Variants in ELFN1 observed in about 807,000 individuals in gnomAD.
The protein encoded by ELFN1 is extracellular leucine rich repeat and fibronectin type III domain containing 1.
Under a neutral mutation model 7.6 loss-of-function variants are expected in ELFN1, and 6 were observed. The ratio of observed to expected loss-of-function variants is 0.79; its 90% CI spans 0.43 to 1.56. The LOEUF (loss-of-function observed/expected upper bound fraction) is 1.56, where lower values mean the gene tolerates loss of function less well. Ranked by LOEUF, ELFN1 falls within the 40% of genes most tolerant of loss-of-function variation. The pLI is 0.01. For synonymous variants in ELFN1, 657 were observed against 588.1 expected (o/e 1.12, Z -1.70); for missense variants, 1,169 against 1,232.2 (o/e 0.95, Z 0.77).
intron 2 of ELFN1, among the ~76,000 whole-genome samples, chr7:1,696,293 AGAGG>A (rs1400434850): frequency 6.7e-6 from 1 of 149,774 alleles, no homozygotes; most frequent in African/African-American, 2.5e-5. Flanking sequence ...AGAGAGAGAG[AGAGG>A]GAGAGAGAAA....
intron 3 of ELFN1, among the ~76,000 whole-genome samples, chr7:1,737,861 C>T (rs1246416019): frequency 4.6e-5 from 7 of 152,310 alleles, no homozygotes; most frequent in Non-Finnish European, 8.8e-5. Context: ...AGTCTGACCC[C>T]GTTCTCTGTT....
In ELFN1 at chr7:1,745,162, G is replaced by A. The variant is rs144230352; in HGVS notation, c.566G>A (p.Ser189Asn). The change falls in exon 4 of 4, where the codon AGC becomes AAC. Residue 189 changes from serine to asparagine, a missense_variant. Transcript: ENST00000424383. ...LAKLSVCELY[S>N]NPFYCSCELL... ...AAGCTGTCGGTGTGCGAGCTCTACA[G>A]CAACCCCTTCTACTGCTCCTGCGAG... 1.6e-5 allele frequency: 25 copies of A among 1,549,654 alleles called. No homozygotes were observed. The African/African-American group carries it at 3.1e-4, about 19-fold the overall frequency.
At chr7:1,692,044 G>A (rs910829378) in intron 2 of ELFN1, 6 of 152,410 alleles carry the variant, frequency 3.9e-5, no homozygotes, top group African/African-American at 1.4e-4. Context: ...ATGGCTGGTG[G>A]GCGGGGGAGT....
Position 1,744,662 on chromosome 7 carries a change from C to A in ELFN1, c.66C>A (p.Gly22=). ...CGGCCGCCACCCTGCTGCACGCTGGCGGCCTGGCCCGCGCAGACTGCTGGC... is the reference window on the plus strand; with the variant it reads ...CGGCCGCCACCCTGCTGCACGCTGGAGGCCTGGCCCGCGCAGACTGCTGGC... ...CVAAATLLHA[G]GLARADCWLI... Residue 22 remains glycine, a synonymous_variant, in exon 4 of 4, where the codon GGC becomes GGA. Transcript: ENST00000424383. 6.4e-7 allele frequency: 1 copy of A among 1,550,614 alleles called. No homozygotes were observed. The highest frequency in any genetic ancestry group is 8.7e-7 in the Non-Finnish European group (1 of 1,146,674).
chr7:1,680,254 G>A (rs1224948019), intron 1 of ELFN1, among the ~76,000 whole-genome samples: 1 of 152,214 alleles, frequency 6.6e-6, no homozygotes, highest in Non-Finnish European at 1.5e-5. Context: ...AGTGCCCAAG[G>A]CAGATCACGT....
chr7:1,737,107 A>G (rs1780470201), intron 3 of ELFN1, among the ~76,000 whole-genome samples: 1 of 148,538 alleles, frequency 6.7e-6, no homozygotes, highest in Non-Finnish European at 1.5e-5. Context: ...GCTCGAACAC[A>G]CCCCCTCTCC....
chr7:1,686,315 T>G (rs1412514621), intron 1 of ELFN1, among the ~76,000 whole-genome samples: 2 of 148,900 alleles, frequency 1.3e-5, no homozygotes, highest in African/African-American at 4.9e-5. Flanking sequence ...GTCCTTGTTT[T>G]TTTTTTTTTT....
intron 3 of ELFN1, among the ~76,000 whole-genome samples, chr7:1,725,761 G>A (rs1208745062): frequency 6.6e-6 from 1 of 152,148 alleles, no homozygotes; most frequent in African/African-American, 2.4e-5. Flanking sequence ...ACCCATGGCT[G>A]GAGGGGCCAG....
intron 1 of ELFN1, among the ~76,000 whole-genome samples, chr7:1,675,855 C>T (rs10256257): frequency 0.019 from 2,877 of 152,326 alleles, 96 homozygotes; most frequent in African/African-American, 0.066. Context: ...ACAGCTGCCC[C>T]GCCAGGGCTG....
intron 3 of ELFN1, among the ~76,000 whole-genome samples, chr7:1,730,694 CTGT>C (rs1780308476): frequency 6.6e-6 from 1 of 152,190 alleles, no homozygotes; most frequent in African/African-American, 2.4e-5. Context: ...AGTCAAGAAT[CTGT>C]CTCAGTTCAA....
At chr7:1,729,172 G>C (rs766216349) in intron 3 of ELFN1, among the ~76,000 whole-genome samples, 20 of 152,206 alleles carry the variant, frequency 1.3e-4, no homozygotes, top group Non-Finnish European at 2.1e-4. Flanking sequence ...TGGATTCTTA[G>C]AGCCAGAGCT....
At chr7:1,696,196 G>A (rs932169449) in intron 2 of ELFN1, among the ~76,000 whole-genome samples, 13 of 151,748 alleles carry the variant, frequency 8.6e-5, no homozygotes, top group Admixed American at 1.3e-4. Context: ...GTGTGTGTGC[G>A]TGTGTATGTG....
At chr7:1,667,719 G>T (rs1449812870), upstream of ELFN1, among the ~76,000 whole-genome samples, 6 of 152,192 alleles carry the variant, frequency 3.9e-5, no homozygotes, top group East Asian at 9.7e-4. The surrounding 1 kb of genome is among the most constrained non-coding windows in gnomAD (Gnocchi z 8.2). Context: ...TTAACTCCGG[G>T]ACTCCGCCGC....
chr7:1,686,836 G>C (rs887272394), intron 1 of ELFN1, among the ~76,000 whole-genome samples: 1 of 152,014 alleles, frequency 6.6e-6, no homozygotes, highest in African/African-American at 2.4e-5. Flanking sequence ...AGGCTTATCA[G>C]GTATCTCTAT....
chr7:1,744,115 C>G lies in ELFN1; in HGVS notation c.-293-189C>G, dbSNP rs552634000. Among the ~76,000 whole-genome samples, 368 of 152,264 alleles carry G rather than the reference C, an allele frequency of 2.4e-3. 1 individual carries two copies. Among genetic ancestry groups the G allele is most frequent in the Non-Finnish European group, 4.4e-3 (300 of 68,020 alleles). On this transcript the variant is annotated intron_variant, in intron 3 of 3. Transcript: ENST00000424383. ...TTTCCTCCGCTATCCTGACCTGTCT[C>G]AGGACCCCCCAGGGGCTTCTGAGGA...
Position 1,673,068 on chromosome 7 carries a change from T to G in ELFN1, c.-549+2714T>G, listed in dbSNP as rs2128573144. Among the ~76,000 whole-genome samples, 1 of 146,502 alleles carries G rather than the reference T, an allele frequency of 6.8e-6. No homozygotes were observed. Among genetic ancestry groups the G allele is most frequent in the East Asian group, 2.0e-4 (1 of 4,890 alleles). ...GGCACCGCCGCGGACATTGGATACA[T>G]TTGTCATCTCTCCAGCGCCCCCCCC... On this transcript the variant is annotated intron_variant, in intron 1 of 3. Transcript: ENST00000424383. The surrounding 1 kb of genome is among the most constrained non-coding windows in gnomAD (Gnocchi z 4.7).
chr7:1,740,306 C>A lies in ELFN1; in HGVS notation c.-293-3998C>A, dbSNP rs992306643. Among the ~76,000 whole-genome samples, 1 of 152,208 alleles carries A rather than the reference C, an allele frequency of 6.6e-6. No homozygotes were observed. The highest frequency in any genetic ancestry group is 2.4e-5 in the African/African-American group (1 of 41,456). Reference sequence around the variant, plus strand: ...TCCCTGGGGCCTTGTGGTCCACGCCCATACGAGCCTCTGGGTCTGAGGCAG... The same window carrying A: ...TCCCTGGGGCCTTGTGGTCCACGCCAATACGAGCCTCTGGGTCTGAGGCAG... On this transcript the variant is annotated intron_variant, in intron 3 of 3. Coordinates refer to ENST00000424383, the MANE Select transcript of ELFN1 (RefSeq NM_001128636.4). This position sits in a 1 kb window ranked among gnomAD's most constrained non-coding sequence, Gnocchi z 5.0.
At chr7:1,685,294 G>A (rs1779043559) in intron 1 of ELFN1, among the ~76,000 whole-genome samples, 1 of 152,026 alleles carries the variant, frequency 6.6e-6, no homozygotes, top group African/African-American at 2.4e-5. Flanking sequence ...GATTTTTCTT[G>A]TGTTCATCTT....
intron 1 of ELFN1, among the ~76,000 whole-genome samples, chr7:1,671,991 CT>C (rs200786159): frequency 0.022 from 3,323 of 152,324 alleles, 47 homozygotes; most frequent in Non-Finnish European, 0.033. Context: ...ACCTGGGGGT[CT>C]CCAAGTCAGA....
Sources: allele counts gnomAD v4.1 joint callset (sites outside exome capture counted in the v4.1 genomes callset), GRCh38; gene constraint gnomAD v4.1.1; non-coding constraint Gnocchi (gnomAD v3.1); transcripts MANE v1.5; gene names NCBI Gene and HGNC (gene_info 2026-07-23, HGNC 2026-07-21).